SH3D19: variants seen among roughly 807,000 people sequenced by gnomAD.
The protein encoded by SH3D19 is SH3 domain-containing protein 19.
SH3D19 carries 58 observed loss-of-function variants against 112.1 expected under a neutral mutation model. That is an observed-to-expected ratio of 0.52 (90% CI 0.42 to 0.64). The LOEUF is 0.64. Ranked by LOEUF, SH3D19 falls within the 30% of genes least tolerant of loss-of-function variation. SH3D19 has a pLI of 0.00. For synonymous variants in SH3D19, 391 were observed against 448.5 expected (o/e 0.87, Z 1.62); for missense variants, 1,090 against 1,263.4 (o/e 0.86, Z 2.08).
intron 1 of SH3D19, among the ~76,000 whole-genome samples, chr4:151,265,876 C>A (rs573902872): frequency 6.6e-6 from 1 of 152,056 alleles, no homozygotes; most frequent in Non-Finnish European, 1.5e-5. Flanking sequence ...TGAGCCACAG[C>A]GCCTGGCCCC....
chr4:151,214,433 C>T (rs1361218234), intron 2 of SH3D19, among the ~76,000 whole-genome samples: 5 of 18,424 alleles, frequency 2.7e-4, no homozygotes, highest in Non-Finnish European at 1.1e-3. Flanking sequence ...CCTCACCTCC[C>T]GGACGAGGCT....
At chr4:151,237,550 A>G (rs1436803331) in intron 1 of SH3D19, among the ~76,000 whole-genome samples, 1 of 142,088 alleles carries the variant, frequency 7.0e-6, no homozygotes, top group Non-Finnish European at 1.6e-5. Context: ...GTTCTTCACT[A>G]CTTATTACCT....
At chr4:151,137,711 A>C in intron 14 of SH3D19, 21 bp downstream of exon 14, 1 of 1,565,774 alleles carries the variant, frequency 6.4e-7, no homozygotes, top group Non-Finnish European at 8.6e-7. Context: ...GACCAAATTA[A>C]AACAAACACA....
intron 1 of SH3D19, among the ~76,000 whole-genome samples, chr4:151,245,462 A>G (rs1432984610): frequency 2.0e-5 from 3 of 152,192 alleles, no homozygotes; most frequent in African/African-American, 4.8e-5. Context: ...TTTAATGGCA[A>G]CTGTGCCCAG....
chr4:151,316,253 G>A (rs1420715272), intron 1 of SH3D19, among the ~76,000 whole-genome samples: 1 of 152,142 alleles, frequency 6.6e-6, no homozygotes, highest in African/African-American at 2.4e-5. Flanking sequence ...AATGTGACCA[G>A]TACTCTTCAA....
intron 1 of SH3D19, among the ~76,000 whole-genome samples, chr4:151,276,909 C>A (rs137871855): frequency 6.6e-6 from 1 of 152,160 alleles, no homozygotes; most frequent in African/African-American, 2.4e-5. Flanking sequence ...CTCCTCAACA[C>A]CACAGGCAGA....
chr4:151,322,206 T>C (rs889318584), intron 1 of SH3D19, among the ~76,000 whole-genome samples: 1 of 151,942 alleles, frequency 6.6e-6, no homozygotes, highest in Non-Finnish European at 1.5e-5. Flanking sequence ...TCCAGCACTT[T>C]GGGAGGCTGA....
chr4:151,277,343 G>A, intron 1 of SH3D19: 1 of 732,406 alleles, frequency 1.4e-6, no homozygotes, highest in Non-Finnish European at 1.9e-6. Context: ...CACAGCCTGA[G>A]AAGGTCCTGA....
chr4:151,239,397 CCT>C (rs1158031134), intron 1 of SH3D19, among the ~76,000 whole-genome samples: 1 of 151,978 alleles, frequency 6.6e-6, no homozygotes, highest in African/African-American at 2.4e-5. Flanking sequence ...AGCTAAAAAG[CCT>C]CTGTGTTGTT....
chr4:151,256,012 GGGGGAGAGGGAGA>G (rs1771876578), intron 1 of SH3D19, among the ~76,000 whole-genome samples: 1 of 121,454 alleles, frequency 8.2e-6, no homozygotes, highest in East Asian at 2.3e-4. Context: ...TGGAAAGAGA[GGGGGAGAGGGAGA>G]GGGAGAGGGA....
At chr4:151,310,603 G>A (rs1300586202) in intron 1 of SH3D19, among the ~76,000 whole-genome samples, 1 of 144,854 alleles carries the variant, frequency 6.9e-6, no homozygotes, top group East Asian at 2.0e-4. Flanking sequence ...TTAGACTCTT[G>A]CTCTGTTGCC....
intron 1 of SH3D19, among the ~76,000 whole-genome samples, chr4:151,236,419 G>A (rs1460636612): frequency 1.3e-5 from 2 of 152,276 alleles, no homozygotes; most frequent in African/African-American, 2.4e-5. Context: ...GTCCCACCGC[G>A]AGGGCCATTG....
At chr4:151,209,427 C>T (rs530854524) in intron 2 of SH3D19, among the ~76,000 whole-genome samples, 1 of 152,090 alleles carries the variant, frequency 6.6e-6, no homozygotes, top group South Asian at 2.1e-4. Flanking sequence ...TACAGGTGCT[C>T]ACCACCACGC....
At chr4:151,154,991 C>G (rs376374790) in intron 9 of SH3D19, among the ~76,000 whole-genome samples, 53 of 152,228 alleles carry the variant, frequency 3.5e-4, no homozygotes, top group African/African-American at 9.6e-4. Flanking sequence ...CTCCTGATCT[C>G]AAGTGATTTG....
At chr4:151,145,826 C>A (rs1753828017) in intron 11 of SH3D19, among the ~76,000 whole-genome samples, 1 of 152,204 alleles carries the variant, frequency 6.6e-6, no homozygotes, top group South Asian at 2.1e-4. Context: ...GGATTCGCAA[C>A]CCTGGGCATG....
At chr4:151,305,360 G>A (rs1475013019) in intron 1 of SH3D19, among the ~76,000 whole-genome samples, 1 of 152,146 alleles carries the variant, frequency 6.6e-6, no homozygotes, top group Admixed American at 6.5e-5. Context: ...AGCTCTTTAT[G>A]TATTCTACAT....
chr4:151,180,155 GGCATGA>G (rs1760624759), intron 3 of SH3D19, among the ~76,000 whole-genome samples: 1 of 152,190 alleles, frequency 6.6e-6, no homozygotes, highest in South Asian at 2.1e-4. Flanking sequence ...TGGGATTACA[GGCATGA>G]GCCACTATGC....
chr4:151,298,421 C>T lies in SH3D19; in HGVS notation c.112+26820G>A, dbSNP rs187775612. 8.5e-4 allele frequency among the ~76,000 whole-genome samples: 129 copies of T among 151,350 alleles called. 1 individual carries two copies. The highest frequency in any genetic ancestry group is 3.0e-3 in the African/African-American group (125 of 41,390). On this transcript the variant is annotated intron_variant, in intron 1 of 19. Transcript: ENST00000604030. ...TCAATCTCCTGATCTCGTGATCCTCCCGCCTCGGCCTCCCAAAGTGCTGGA... is the reference window on the plus strand; with the variant it reads ...TCAATCTCCTGATCTCGTGATCCTCTCGCCTCGGCCTCCCAAAGTGCTGGA...
At chr4:151,308,886 T>C (rs181203523) in intron 1 of SH3D19, among the ~76,000 whole-genome samples, 86 of 152,332 alleles carry the variant, frequency 5.6e-4, no homozygotes, top group African/African-American at 2.0e-3. Context: ...TTTTATTTTT[T>C]TAGACGTCTT....
Sources: gnomAD v4.1 joint callset for allele counts (sites outside exome capture counted in the v4.1 genomes callset) on GRCh38, gnomAD v4.1.1 for gene constraint, MANE v1.5 for transcripts, NCBI Gene and HGNC (gene_info 2026-07-23, HGNC 2026-07-21) for gene names.